Variants in CALN1 observed in about 807,000 individuals in gnomAD.
CALN1 encodes calcium-binding protein 8.
A neutral mutation model predicts 30.6 loss-of-function variants in CALN1; 17 were observed. The ratio of observed to expected loss-of-function variants is 0.56; its 90% CI spans 0.38 to 0.83. The LOEUF (loss-of-function observed/expected upper bound fraction) is 0.83, where lower values mean the gene tolerates loss of function less well. CALN1 is among the 40% of genes least tolerant of loss of function. CALN1 has a pLI of 0.00. For missense variants in CALN1, 291 were observed against 354.9 expected (o/e 0.82, Z 1.45); for synonymous variants, 156 against 131.4 (o/e 1.19, Z -1.28).
chr7:72,226,093 C>CA (rs35950469), intron 3 of CALN1, among the ~76,000 whole-genome samples: 73,286 of 111,818 alleles, frequency 0.66, 23,968 homozygotes, highest in East Asian at 0.99. Context: ...AGACTCCACC[C>CA]AAAAAAAAAA....
intron 3 of CALN1, among the ~76,000 whole-genome samples, chr7:72,236,185 T>A (rs550230311): frequency 1.9e-3 from 294 of 152,196 alleles, no homozygotes; most frequent in Non-Finnish European, 3.4e-3. Flanking sequence ...ACCTAATTAT[T>A]GGGATAGTGA....
At chr7:72,250,816 G>A (rs565489508) in intron 3 of CALN1, among the ~76,000 whole-genome samples, 26 of 152,178 alleles carry the variant, frequency 1.7e-4, no homozygotes, top group Admixed American at 3.3e-4. Context: ...CAGGCACCAC[G>A]CTCGTATAGC....
chr7:72,231,007 C>G (rs1289170837), intron 3 of CALN1, among the ~76,000 whole-genome samples: 1 of 152,172 alleles, frequency 6.6e-6, no homozygotes, highest in Non-Finnish European at 1.5e-5. Context: ...ACTGCCCCAC[C>G]TGGGGGCATG....
At chr7:72,182,195 C>T (rs1009354459) in intron 3 of CALN1, among the ~76,000 whole-genome samples, 1 of 152,060 alleles carries the variant, frequency 6.6e-6, no homozygotes, top group Non-Finnish European at 1.5e-5. Context: ...AGGGAGCAGA[C>T]GCAGCTGGAT....
chr7:72,000,897 C>T (rs937027357), intron 5 of CALN1, among the ~76,000 whole-genome samples: 2 of 152,200 alleles, frequency 1.3e-5, no homozygotes, highest in African/African-American at 2.4e-5. Context: ...GGTTCCCTCT[C>T]GACCAGGAAT....
At chr7:72,035,811 A>C (rs1801758360) in intron 4 of CALN1, among the ~76,000 whole-genome samples, 1 of 152,214 alleles carries the variant, frequency 6.6e-6, no homozygotes, top group African/African-American at 2.4e-5. Flanking sequence ...CCAAACCACA[A>C]ACTAGTAATT....
intron 1 of CALN1, among the ~76,000 whole-genome samples, chr7:72,444,096 T>C (rs1808445979): frequency 6.6e-6 from 1 of 151,834 alleles, no homozygotes; most frequent in Non-Finnish European, 1.5e-5. Flanking sequence ...TTACTCTTTT[T>C]TAATGGATTG....
chr7:71,834,348 TAAAAAAAAAAA>T (rs60091117), intron 5 of CALN1, among the ~76,000 whole-genome samples: 5 of 89,818 alleles, frequency 5.6e-5, no homozygotes, highest in East Asian at 6.4e-4. Flanking sequence ...CGATCCACCC[TAAAAAAAAAAA>T]AAAAAAAAAA....
chr7:71,874,586 G>T (rs1317951592), intron 5 of CALN1, among the ~76,000 whole-genome samples: 1 of 152,148 alleles, frequency 6.6e-6, no homozygotes, highest in East Asian at 1.9e-4. Context: ...TATTAGTGTT[G>T]TGTATACTCA....
At chr7:72,349,131 GA>G (rs1554382750) in intron 2 of CALN1, among the ~76,000 whole-genome samples, 1 of 152,090 alleles carries the variant, frequency 6.6e-6, no homozygotes, top group African/African-American at 2.4e-5. Flanking sequence ...AAGTGAGTTT[GA>G]AAAAATAGAA....
intron 5 of CALN1, among the ~76,000 whole-genome samples, chr7:72,015,747 T>A (rs1222252223): frequency 6.6e-6 from 1 of 152,152 alleles, no homozygotes; most frequent in Non-Finnish European, 1.5e-5. Context: ...TGGGCCAGAA[T>A]TCCCATTTCT....
chr7:71,923,161 A>T (rs923966606), intron 5 of CALN1, among the ~76,000 whole-genome samples: 4 of 151,970 alleles, frequency 2.6e-5, no homozygotes, highest in African/African-American at 9.7e-5. Context: ...TTGGTAAACA[A>T]GTGAGTAGCT....
chr7:72,308,727 C>T (rs1261206598), intron 2 of CALN1, among the ~76,000 whole-genome samples: 1 of 152,144 alleles, frequency 6.6e-6, no homozygotes, highest in Non-Finnish European at 1.5e-5. Context: ...CTCCTGTCAG[C>T]TGGGACCCTC....
intron 3 of CALN1, among the ~76,000 whole-genome samples, chr7:72,238,441 T>A (rs556603246): frequency 2.2e-4 from 33 of 152,316 alleles, no homozygotes; most frequent in African/African-American, 7.7e-4. Context: ...ATGATTTTTT[T>A]ATTTAATGAA....
At chr7:72,322,675 G>A (rs2968533) in intron 2 of CALN1, among the ~76,000 whole-genome samples, 54,241 of 151,860 alleles carry the variant, frequency 0.36, 10,584 homozygotes, top group Middle Eastern at 0.52. Flanking sequence ...AGGGTAGTGG[G>A]GGAATGTGGG....
At chr7:71,882,414 T>A (rs1478120392) in intron 5 of CALN1, among the ~76,000 whole-genome samples, 1 of 152,208 alleles carries the variant, frequency 6.6e-6, no homozygotes, top group Non-Finnish European at 1.5e-5. Context: ...CTCTACTGTG[T>A]AAGACAGCAT....
the CALN1 span, among the ~76,000 whole-genome samples, chr7:72,488,007 T>G: frequency 1.4e-5 from 2 of 145,844 alleles, no homozygotes; most frequent in African/African-American, 2.6e-5. Context: ...AATAGAGGGG[T>G]GCTTCATGAG....
intron 4 of CALN1, among the ~76,000 whole-genome samples, chr7:72,052,888 G>T (rs1802926843): frequency 6.8e-6 from 1 of 147,696 alleles, no homozygotes. Flanking sequence ...CCAGCACTTT[G>T]GGAGGCCAAG....
chr7:71,923,745 G>A (rs1795104454), intron 5 of CALN1, among the ~76,000 whole-genome samples: 1 of 152,022 alleles, frequency 6.6e-6, no homozygotes, highest in Non-Finnish European at 1.5e-5. Flanking sequence ...TATCCTTCCT[G>A]GAGACAGCTA....
Sources: gnomAD v4.1 joint callset for allele counts (sites outside exome capture counted in the v4.1 genomes callset) on GRCh38, gnomAD v4.1.1 for gene constraint, MANE v1.5 for transcripts, NCBI Gene and HGNC (gene_info 2026-07-23, HGNC 2026-07-21) for gene names.